KCNK10: variants seen among roughly 807,000 people sequenced by gnomAD.
KCNK10 encodes potassium two pore domain channel subfamily K member 10.
Under a neutral mutation model 47.7 loss-of-function variants are expected in KCNK10, and 25 were observed. That is an observed-to-expected ratio of 0.52 (90% CI 0.38 to 0.73). The LOEUF (loss-of-function observed/expected upper bound fraction) is 0.73. Among genes scored for constraint, KCNK10 ranks in the 30% least tolerant of loss-of-function variants. The pLI is 0.00. For missense variants in KCNK10, 563 were observed against 714.5 expected, an observed-to-expected ratio of 0.79 and a Z score of 2.42; for synonymous variants, 303 against 285.6, an observed-to-expected ratio of 1.06 and a Z score of -0.61.
chr14:88,290,653 T>C (rs1887856199), intron 1 of KCNK10, among the ~76,000 whole-genome samples: 2 of 152,108 alleles, frequency 1.3e-5, no homozygotes, highest in Non-Finnish European at 2.9e-5. Flanking sequence ...GCCTCAAAAC[T>C]TATAACAGAT....
At chr14:88,263,761 TA>T (rs375830630) in intron 1 of KCNK10, among the ~76,000 whole-genome samples, 2,156 of 144,702 alleles carry the variant, frequency 0.015, 22 homozygotes, top group African/African-American at 0.032. Context: ...GGTCCCAGTT[TA>T]AAAAAAAAAA....
chr14:88,187,348 A>T (rs1289531392), intron 6 of KCNK10, among the ~76,000 whole-genome samples: 4 of 151,242 alleles, frequency 2.6e-5, no homozygotes, highest in African/African-American at 9.7e-5. Flanking sequence ...AGAGAGCTAC[A>T]TGAATATTTA....
intron 2 of KCNK10, among the ~76,000 whole-genome samples, chr14:88,241,552 T>A (rs1162968504): frequency 2.0e-5 from 3 of 152,090 alleles, no homozygotes; most frequent in Admixed American, 6.5e-5. Context: ...AATGACTCCT[T>A]GATGATAACT....
intron 4 of KCNK10, among the ~76,000 whole-genome samples, chr14:88,204,290 T>G (rs893579702): frequency 6.6e-6 from 1 of 152,158 alleles, no homozygotes; most frequent in Non-Finnish European, 1.5e-5. Flanking sequence ...TGGTCCTTCT[T>G]CCTTTTGGAA....
rs932551482 is a variant in KCNK10 at position 88,180,358 on chromosome 14, A to G, written c.*5177T>C. 3 of 157,184 alleles carry G rather than the reference A, an allele frequency of 1.9e-5. No individual in the cohort carries two copies. The highest frequency in any genetic ancestry group is 2.8e-5 in the Non-Finnish European group (2 of 71,586). The allele number at this position is 157,184 out of a possible 1,614,324, so 9.7% of individuals were successfully genotyped here. A position where few individuals can be genotyped will look rare whatever the true frequency, so the allele number is the denominator to read the frequency against. On this transcript the variant is annotated 3_prime_UTR_variant, in exon 7 of 7. Transcript: ENST00000319231. ...AAACACCTCCACACATGGATTTATC[A>G]TCATTGTCACTGGGTCCCCTGTCTG...
chr14:88,278,899 G>T (rs1055782983), intron 1 of KCNK10, among the ~76,000 whole-genome samples: 1 of 152,194 alleles, frequency 6.6e-6, no homozygotes, highest in African/African-American at 2.4e-5. Context: ...TCTGAGAGTT[G>T]TCTGCCATTG....
At chr14:88,261,252 C>T (rs546623985) in intron 2 of KCNK10, among the ~76,000 whole-genome samples, 8 of 152,262 alleles carry the variant, frequency 5.3e-5, no homozygotes, top group South Asian at 2.1e-4. Context: ...CACTTCAGAA[C>T]GCCTATCAGG....
At chr14:88,192,496 C>A in intron 4 of KCNK10, 86 bp from the exon 5 acceptor site, 2 of 1,171,980 alleles carry the variant, frequency 1.7e-6, no homozygotes, top group African/African-American at 1.5e-5. Flanking sequence ...GGTACTGTGT[C>A]AGTGACTTTT....
At chr14:88,264,439 G>C (rs1007257367) in intron 1 of KCNK10, among the ~76,000 whole-genome samples, 1 of 152,156 alleles carries the variant, frequency 6.6e-6, no homozygotes, top group East Asian at 1.9e-4. Flanking sequence ...CATGGTGCAG[G>C]CTGGCTGTTG....
At chr14:88,219,006 A>T in intron 4 of KCNK10, among the ~76,000 whole-genome samples, 1 of 152,224 alleles carries the variant, frequency 6.6e-6, no homozygotes, top group East Asian at 1.9e-4. Flanking sequence ...TTTTCAGCCC[A>T]TCTGGAAGAG....
rs553212727 is a variant in KCNK10 at position 88,260,333 on chromosome 14, C to T, written c.402+2869G>A. ...ATATAGGACATGCCTGCCTCCCCTT[C>T]GTCTTCTGCCATGATTGTAAGTTTC... On this transcript the variant is annotated intron_variant, in intron 2 of 6. Coordinates refer to ENST00000319231, the MANE Select transcript of KCNK10 (RefSeq NM_138317.3). This position sits in a 1 kb window ranked among gnomAD's most constrained non-coding sequence, Gnocchi z 4.5. Among the ~76,000 whole-genome samples, 114 of 152,312 alleles carry T rather than the reference C, an allele frequency of 7.5e-4. No individual in the cohort carries two copies. Among genetic ancestry groups the T allele is most frequent in the African/African-American group, 2.1e-3 (87 of 41,568 alleles).
chr14:88,292,499 G>A (rs1273075354), intron 1 of KCNK10, among the ~76,000 whole-genome samples: 1 of 151,998 alleles, frequency 6.6e-6, no homozygotes, highest in East Asian at 1.9e-4. Flanking sequence ...ATAGGCACCC[G>A]CCACAATGCC....
rs1884777006 is a variant in KCNK10, at chr14:88,192,354, C to G, written c.738G>C (p.Leu246Phe). Residue 246 changes from leucine (L) to phenylalanine (F), a missense_variant, in exon 5 of 7, where the codon TTG (leucine) becomes TTC (phenylalanine). Transcript: ENST00000319231. ...IRVISTILFI[L>F]AGCIVFVTIP... is the part of the protein sequence containing the mutation. ...TCGTCACAAACACAATGCAGCCGGC[C>G]AAGATGAACAGGATGGTTGAGATGA... is the stretch of plus-strand genomic sequence containing the variant. 6.2e-7 allele frequency: 1 copy of G among 1,613,918 alleles called. No homozygotes were observed. Among genetic ancestry groups the G allele is most frequent in the South Asian group, 1.1e-5 (1 of 91,074 alleles).
chr14:88,258,343 T>G (rs866687319), intron 2 of KCNK10, among the ~76,000 whole-genome samples: 1 of 148,800 alleles, frequency 6.7e-6, no homozygotes, highest in African/African-American at 2.5e-5. Flanking sequence ...CAGGCTGGAG[T>G]GCAATGGCAC....
intron 3 of KCNK10, among the ~76,000 whole-genome samples, chr14:88,235,727 T>A (rs1413394311): frequency 6.6e-6 from 1 of 152,044 alleles, no homozygotes; most frequent in Non-Finnish European, 1.5e-5. Flanking sequence ...ATGAGAGACA[T>A]AGAAGATGAG....
chr14:88,283,338 T>C (rs1353283300), intron 1 of KCNK10, among the ~76,000 whole-genome samples: 1 of 152,220 alleles, frequency 6.6e-6, no homozygotes, highest in Non-Finnish European at 1.5e-5. Flanking sequence ...ACTTTTAGTT[T>C]TATGGATTTG....
intron 2 of KCNK10, among the ~76,000 whole-genome samples, chr14:88,248,452 G>A (rs548377667): frequency 4.3e-4 from 66 of 152,106 alleles, no homozygotes; most frequent in African/African-American, 1.6e-3. Context: ...TTTCCAGCTG[G>A]GCATGGTAGT....
chr14:88,311,903 A>AG (rs1157119059), intron 1 of KCNK10, among the ~76,000 whole-genome samples: 1 of 151,986 alleles, frequency 6.6e-6, no homozygotes, highest in Non-Finnish European at 1.5e-5. Context: ...CAGAACCAGA[A>AG]GGGGGGCACA....
intron 4 of KCNK10, among the ~76,000 whole-genome samples, chr14:88,225,947 A>G (rs1885970855): frequency 6.6e-6 from 1 of 152,202 alleles, no homozygotes; most frequent in Non-Finnish European, 1.5e-5. Context: ...TAATGAGGCC[A>G]CCGGCCAGCC....
Sources: gnomAD v4.1 joint callset for allele counts (sites outside exome capture counted in the v4.1 genomes callset) on GRCh38, gnomAD v4.1.1 for gene constraint, Gnocchi (gnomAD v3.1) non-coding constraint, MANE v1.5 for transcripts, NCBI Gene and HGNC (gene_info 2026-07-23, HGNC 2026-07-21) for gene names.